DEAF1: variants seen among roughly 807,000 people sequenced by gnomAD.
DEAF1 encodes deformed epidermal autoregulatory factor 1 homolog.
A neutral mutation model predicts 58.9 loss-of-function variants in DEAF1; 53 were observed. The observed-to-expected ratio is 0.90, with a 90% CI of 0.72 to 1.13. The LOEUF is 1.13. Ranked by LOEUF, DEAF1 falls within the 50% of genes most tolerant of loss-of-function variation. The pLI, the probability that DEAF1 is intolerant of heterozygous loss-of-function variation, is 0.00. For synonymous variants in DEAF1, 385 were observed against 340.4 expected (o/e 1.13, Z -1.44); for missense variants, 685 against 791.4 (o/e 0.87, Z 1.61).
intron 9 of DEAF1, chr11:678,487 C>A: frequency 1.5e-6 from 1 of 669,186 alleles, no homozygotes; most frequent in Non-Finnish European, 2.5e-6. Flanking sequence ...ACTTCCACAG[C>A]ACACACATGA....
Position 684,890 on chromosome 11 carries a change from C to A in DEAF1, c.870+8G>T, listed in dbSNP as rs1186687545. On this transcript the variant is annotated splice_region_variant and intron_variant, in intron 6 of 11. Transcript: ENST00000382409. ...AGTCATCCTGTTCCAGACACGCTGGCCACTTACTAAGGTCATGTCGTCGCA... is the reference window on the plus strand; with the variant it reads ...AGTCATCCTGTTCCAGACACGCTGGACACTTACTAAGGTCATGTCGTCGCA... 6.4e-7 allele frequency: 1 copy of A among 1,551,292 alleles called. No individual in the cohort carries two copies. Among genetic ancestry groups the A allele is most frequent in the African/African-American group, 1.4e-5 (1 of 73,042 alleles).
In DEAF1 at chr11:688,225, T is replaced by C. The variant is rs1362190429; in HGVS notation, c.517+106A>G. 2 of 1,528,030 alleles carry C rather than the reference T, an allele frequency of 1.3e-6. No homozygotes were observed. The highest frequency in any genetic ancestry group is 1.8e-6 in the Non-Finnish European group (2 of 1,129,538). The allele number at this position is 1,528,030 out of a possible 1,614,324, so 94.7% of individuals were successfully genotyped here. ...ACTTAAAATCTATTAATAGATGATA[T>C]TCCAAATTTACCACAAAAAGAAACA... On this transcript the variant is annotated intron_variant, in intron 3 of 11. Transcript: ENST00000382409. The surrounding 1 kb of genome is among the most constrained non-coding windows in gnomAD (Gnocchi z 4.3).
chr11:647,661 G>A (rs1380184420), intron 11 of DEAF1, among the ~76,000 whole-genome samples: 2 of 152,242 alleles, frequency 1.3e-5, no homozygotes, highest in Non-Finnish European at 2.9e-5. Flanking sequence ...CAAGCCAGGA[G>A]GGCAGGCGCT....
At chr11:667,432 AAAGGAAGG>A (rs148182090) in intron 10 of DEAF1, among the ~76,000 whole-genome samples, 1,045 of 97,440 alleles carry the variant, frequency 0.011, 16 homozygotes, top group African/African-American at 0.074. Context: ...GGAAAAGAGG[AAAGGAAGG>A]AAGGAAGGAA....
chr11:686,293 A>AT (rs1379857945), intron 5 of DEAF1, among the ~76,000 whole-genome samples: 1 of 147,312 alleles, frequency 6.8e-6, no homozygotes, highest in Non-Finnish European at 1.5e-5. Context: ...CTCTGTCTCA[A>AT]AAAAAAAAAA....
chr11:701,019 A>C (rs1861433252), intron 1 of DEAF1: 2 of 437,742 alleles, frequency 4.6e-6, no homozygotes, highest in African/African-American at 2.0e-5. Flanking sequence ...GGAGCTCCGG[A>C]ATATTCACCA....
intron 1 of DEAF1, chr11:700,929 T>G (rs1861426774): frequency 1.7e-6 from 1 of 591,168 alleles, no homozygotes; most frequent in Non-Finnish European, 3.0e-6. Context: ...TGGGAGAGAC[T>G]CTGTGTTTGG....
Position 644,532 on chromosome 11 carries a change from AG to A in DEAF1, c.*17del. On this transcript the variant is annotated 3_prime_UTR_variant, in exon 12 of 12. Transcript: ENST00000382409. The surrounding 1 kb of genome is among the most constrained non-coding windows in gnomAD (Gnocchi z 4.3). Reference sequence around the variant, plus strand: ...AGGAGTGCGAGGGGCCCCAGCTCCCAGGGCGGCCGATGGAGCCTCACACGGT... The same window carrying A: ...AGGAGTGCGAGGGGCCCCAGCTCCCAGGCGGCCGATGGAGCCTCACACGGT... 6.2e-7 allele frequency: 1 copy of A among 1,606,520 alleles called. No individual in the cohort carries two copies. The highest frequency in any genetic ancestry group is 1.1e-5 in the South Asian group (1 of 90,528).
At position 688,576 on chromosome 11, in the gene DEAF1, C is replaced by T. The variant is rs561895030; in HGVS notation, c.388-116G>A. On this transcript the variant is annotated intron_variant, in intron 2 of 11. Coordinates refer to ENST00000382409, the MANE Select transcript of DEAF1 (RefSeq NM_021008.4). The surrounding 1 kb of genome is among the most constrained non-coding windows in gnomAD (Gnocchi z 4.3). ...TCTGGCTGTTCTCACCAAGAAGGGACGCTCACCTAGGCACCCCATATCTTT... is the reference window on the plus strand; with the variant it reads ...TCTGGCTGTTCTCACCAAGAAGGGATGCTCACCTAGGCACCCCATATCTTT... 32 of 1,283,072 alleles carry T rather than the reference C, an allele frequency of 2.5e-5. No individual in the cohort carries two copies. In the East Asian group the frequency reaches 4.9e-4, roughly 20 times the overall value. 79.5% of individuals were successfully genotyped at this position (1,283,072 alleles called of 1,614,324 possible).
intron 9 of DEAF1, 43 bp from the exon 10 acceptor site, chr11:674,826 T>C: frequency 6.2e-7 from 1 of 1,601,952 alleles, no homozygotes; most frequent in South Asian, 1.1e-5. Context: ...AATTAATACA[T>C]CTCCTAGCTT....
intron 10 of DEAF1, among the ~76,000 whole-genome samples, chr11:655,622 C>T (rs534931863): frequency 3.2e-4 from 49 of 152,238 alleles, no homozygotes; most frequent in African/African-American, 1.1e-3. Flanking sequence ...GACTCCAGCG[C>T]GGCCCCACGG....
chr11:673,327 G>A (rs988610785), intron 10 of DEAF1, among the ~76,000 whole-genome samples: 49 of 152,156 alleles, frequency 3.2e-4, no homozygotes, highest in African/African-American at 1.0e-3. Flanking sequence ...AGGAGTGTGA[G>A]ATCAGCCTGG....
intron 11 of DEAF1, among the ~76,000 whole-genome samples, chr11:652,287 C>T (rs1589972825): frequency 6.6e-6 from 1 of 152,228 alleles, no homozygotes; most frequent in East Asian, 1.9e-4. Flanking sequence ...TCATAGGTCA[C>T]AGAAAAAAAT....
rs991248303 is a variant in DEAF1 at position 659,841 on chromosome 11, C to T, written c.1504-5790G>A. ...GAGGGGAGAGTGAGCAGGAAGCCAG[C>T]GGTAGATGGGGCTTCAGGAGAACCT... On this transcript the variant is annotated intron_variant, in intron 10 of 11. Transcript: ENST00000382409. Among the ~76,000 whole-genome samples the T allele has an allele frequency of 6.6e-5, 10 of 152,196 alleles. No individual in the cohort carries two copies. In the South Asian group the frequency reaches 1.2e-3, roughly 19 times the overall value.
At position 678,676 on chromosome 11, in the gene DEAF1, G is replaced by A. The variant is rs188905985; in HGVS notation, c.1255+18C>T. 1.2e-6 allele frequency: 2 copies of A among 1,613,836 alleles called. No individual in the cohort carries two copies. Among genetic ancestry groups the A allele is most frequent in the South Asian group, 2.2e-5 (2 of 91,014 alleles). On this transcript the variant is annotated intron_variant, in intron 9 of 11. Coordinates refer to ENST00000382409, the MANE Select transcript of DEAF1 (RefSeq NM_021008.4). ...TGAGGACAATAACCTGTACATGTGTGAATTCTTTCAAACCTACCTATTTTG... is the reference window on the plus strand; with the variant it reads ...TGAGGACAATAACCTGTACATGTGTAAATTCTTTCAAACCTACCTATTTTG...
At chr11:700,223 A>G in intron 1 of DEAF1, 1 of 1,613,718 alleles carries the variant, frequency 6.2e-7, no homozygotes, top group Non-Finnish European at 8.5e-7. Flanking sequence ...GCTCCTGATG[A>G]TCACGTATAA....
At chr11:655,541 A>AGGC (rs33919833) in intron 10 of DEAF1, among the ~76,000 whole-genome samples, 109,798 of 151,894 alleles carry the variant, frequency 0.72, 40,118 homozygotes, top group East Asian at 0.93. Flanking sequence ...GATCATCCGC[A>AGGC]GCTGCGGGAG....
At chr11:687,556 C>T (rs1348217889) in intron 4 of DEAF1, among the ~76,000 whole-genome samples, 1 of 152,246 alleles carries the variant, frequency 6.6e-6, no homozygotes, top group Non-Finnish European at 1.5e-5. Context: ...GTGGCGTGAT[C>T]TCAGCTCACT....
chr11:663,318 C>T (rs1329105768), intron 10 of DEAF1, among the ~76,000 whole-genome samples: 3 of 152,160 alleles, frequency 2.0e-5, no homozygotes, highest in Admixed American at 6.5e-5. Context: ...CGTGGTGGCG[C>T]GTGCCTGTAA....
Sources: allele counts gnomAD v4.1 joint callset (sites outside exome capture counted in the v4.1 genomes callset), GRCh38; gene constraint gnomAD v4.1.1; non-coding constraint Gnocchi (gnomAD v3.1); transcripts MANE v1.5; gene names NCBI Gene and HGNC (gene_info 2026-07-23, HGNC 2026-07-21).